Variants in COL5A2 observed in about 807,000 individuals in gnomAD.
COL5A2 encodes the protein collagen type V alpha 2 chain, also known as collagen alpha-2(V) chain.
A neutral mutation model predicts 208.2 loss-of-function variants in COL5A2; 23 were observed. The observed-to-expected ratio is 0.11, with a 90% confidence interval of 0.08 to 0.16. COL5A2 has a LOEUF of 0.16. Ranked by LOEUF, COL5A2 falls within the 10% of genes least tolerant of loss-of-function variation. COL5A2 has a pLI of 1.00. For missense variants in COL5A2, 1,590 were observed against 1,956.4 expected (o/e 0.81, Z 3.53); for synonymous variants, 625 against 628.5 (o/e 0.99, Z 0.08).
intron 12 of COL5A2, among the ~76,000 whole-genome samples, chr2:189,082,543 G>A (rs1686557961): frequency 6.6e-6 from 1 of 152,210 alleles, no homozygotes; most frequent in African/African-American, 2.4e-5. Context: ...GGGAATTGCT[G>A]AGCTATGTTA....
At chr2:189,195,889 G>A (rs551663750) in intron 1 of COL5A2, among the ~76,000 whole-genome samples, 1 of 152,306 alleles carries the variant, frequency 6.6e-6, no homozygotes, top group South Asian at 2.1e-4. Flanking sequence ...TCAGGACATA[G>A]GCATGGGCAA....
At chr2:189,064,371 T>C (rs1394537484) in intron 25 of COL5A2, among the ~76,000 whole-genome samples, 186 bp downstream of exon 25, 1 of 152,234 alleles carries the variant, frequency 6.6e-6, no homozygotes, top group Non-Finnish European at 1.5e-5. Flanking sequence ...TACCGTGTTT[T>C]CTATATATGA....
intron 32 of COL5A2, 117 bp downstream of exon 32, chr2:189,058,732 T>G (rs576929307): frequency 2.9e-6 from 3 of 1,033,136 alleles, no homozygotes; most frequent in African/African-American, 3.3e-5. Context: ...AAATTAATTT[T>G]TATCCAGTCA....
At chr2:189,231,415 C>A in the COL5A2 span, among the ~76,000 whole-genome samples, 1 of 151,570 alleles carries the variant, frequency 6.6e-6, no homozygotes, top group Non-Finnish European at 1.5e-5. Flanking sequence ...GAAAGGTAAG[C>A]CCCTTCTGAA....
chr2:189,329,846 C>T, the COL5A2 span, among the ~76,000 whole-genome samples: 1 of 150,944 alleles, frequency 6.6e-6, no homozygotes, highest in Non-Finnish European at 1.5e-5. Context: ...AGGTTGTAGT[C>T]AGAAGAGATT....
intron 50 of COL5A2, among the ~76,000 whole-genome samples, chr2:189,040,506 C>G (rs1335604431): frequency 6.6e-6 from 1 of 152,124 alleles, no homozygotes; most frequent in South Asian, 2.1e-4. Flanking sequence ...GACACATAGT[C>G]CACATCTCAT....
At chr2:189,426,000 C>G in the COL5A2 span, among the ~76,000 whole-genome samples, 1 of 152,096 alleles carries the variant, frequency 6.6e-6, no homozygotes, top group Non-Finnish European at 1.5e-5. Context: ...TCAGATATTT[C>G]CTTATAGCAG....
At chr2:189,297,562 A>C in the COL5A2 span, among the ~76,000 whole-genome samples, 1 of 152,044 alleles carries the variant, frequency 6.6e-6, no homozygotes, top group Non-Finnish European at 1.5e-5. Context: ...AAACTTACTT[A>C]TTATTTGATG....
intron 50 of COL5A2, 39 bp from the exon 51 acceptor site, chr2:189,039,602 T>C: frequency 6.3e-7 from 1 of 1,597,798 alleles, no homozygotes; most frequent in Non-Finnish European, 8.5e-7. Context: ...TAACACATTG[T>C]TTTTGTTTTA....
chr2:189,277,440 G>A, the COL5A2 span, among the ~76,000 whole-genome samples: 4 of 152,012 alleles, frequency 2.6e-5, no homozygotes, highest in Admixed American at 1.3e-4. Context: ...TATTACCTGC[G>A]AGTTCGGGTC....
intron 6 of COL5A2, among the ~76,000 whole-genome samples, chr2:189,096,585 G>C (rs1686916800): frequency 7.1e-6 from 1 of 140,244 alleles, no homozygotes. Flanking sequence ...TCACACCACT[G>C]CACTCCAGCC....
At chr2:189,049,786 G>A (rs1685746667) in intron 43 of COL5A2, among the ~76,000 whole-genome samples, 1 of 152,078 alleles carries the variant, frequency 6.6e-6, no homozygotes, top group Non-Finnish European at 1.5e-5. Context: ...GCTCTGCTTT[G>A]TCTGTTCATT....
chr2:189,384,136 T>C, the COL5A2 span, among the ~76,000 whole-genome samples: 1 of 152,272 alleles, frequency 6.6e-6, no homozygotes, highest in South Asian at 2.1e-4. Flanking sequence ...ATCTACCATG[T>C]TTTCTTTATC....
chr2:189,309,297 GTTGGGT>G, the COL5A2 span, among the ~76,000 whole-genome samples: 1 of 152,230 alleles, frequency 6.6e-6, no homozygotes, highest in South Asian at 2.1e-4. Context: ...GATCTCAGGA[GTTGGGT>G]AAATGGGCTC....
At chr2:189,176,686 GCA>G (rs1326939053) in intron 1 of COL5A2, among the ~76,000 whole-genome samples, 1 of 151,248 alleles carries the variant, frequency 6.6e-6, no homozygotes, top group Non-Finnish European at 1.5e-5. Context: ...CCACCCCAAT[GCA>G]CACACACTCT....
At chr2:189,347,556 A>G in the COL5A2 span, among the ~76,000 whole-genome samples, 6 of 152,328 alleles carry the variant, frequency 3.9e-5, no homozygotes, top group Middle Eastern at 3.4e-3. Context: ...TCTAAAATCT[A>G]TGATTACTGG....
At chr2:189,043,318 T>A in intron 47 of COL5A2, 60 bp from the exon 48 acceptor site, 2 of 1,201,470 alleles carry the variant, frequency 1.7e-6, no homozygotes, top group Admixed American at 3.9e-5. Flanking sequence ...AGACTAAAAT[T>A]TACTAAAATT....
the COL5A2 span, among the ~76,000 whole-genome samples, chr2:189,284,250 T>G: frequency 6.6e-6 from 1 of 152,202 alleles, no homozygotes; most frequent in Non-Finnish European, 1.5e-5. Context: ...ATGTTTAATA[T>G]GGCATCCAAA....
chr2:189,235,647 C>A, the COL5A2 span, among the ~76,000 whole-genome samples: 1 of 151,682 alleles, frequency 6.6e-6, no homozygotes, highest in African/African-American at 2.4e-5. Context: ...GAATATAATT[C>A]CCATTTTTTG....
Sources: allele counts gnomAD v4.1 joint callset (sites outside exome capture counted in the v4.1 genomes callset), GRCh38; gene constraint gnomAD v4.1.1; transcripts MANE v1.5; gene names NCBI Gene and HGNC (gene_info 2026-07-23, HGNC 2026-07-21).